PIP5K1B: variants seen among roughly 807,000 people sequenced by gnomAD.
PIP5K1B encodes the protein phosphatidylinositol 4-phosphate 5-kinase type-1 beta.
PIP5K1B carries 42 observed loss-of-function variants against 67.0 expected under a neutral mutation model. That is an observed-to-expected ratio of 0.63 (90% confidence interval 0.49 to 0.81). The LOEUF (loss-of-function observed/expected upper bound fraction) is 0.81. Ranked by LOEUF, PIP5K1B falls within the 30% of genes least tolerant of loss-of-function variation. PIP5K1B has a pLI of 0.00. For synonymous variants in PIP5K1B, 214 were observed against 231.4 expected, an observed-to-expected ratio of 0.92 and a Z score of 0.68; for missense variants, 459 against 646.3, an observed-to-expected ratio of 0.71 and a Z score of 3.14.
intron 2 of PIP5K1B, among the ~76,000 whole-genome samples, chr9:68,744,505 C>G (rs140570078): frequency 4.4e-4 from 67 of 152,338 alleles, no homozygotes; most frequent in African/African-American, 1.6e-3. Flanking sequence ...GTTAAAGCTT[C>G]CAGCTTCATT....
At chr9:68,861,664 G>A (rs1277274770) in intron 4 of PIP5K1B, among the ~76,000 whole-genome samples, 2 of 152,320 alleles carry the variant, frequency 1.3e-5, no homozygotes, top group African/African-American at 4.8e-5. Context: ...ACAGTGTGGC[G>A]TATCGGGCCC....
chr9:68,974,053 A>G (rs1312460341), intron 14 of PIP5K1B, among the ~76,000 whole-genome samples: 4 of 152,144 alleles, frequency 2.6e-5, no homozygotes, highest in Non-Finnish European at 5.9e-5. Context: ...AATTTTTTGT[A>G]GAAATGGGGT....
chr9:68,808,925 A>G (rs943984527), intron 2 of PIP5K1B, among the ~76,000 whole-genome samples: 5 of 152,232 alleles, frequency 3.3e-5, no homozygotes, highest in African/African-American at 1.2e-4. Flanking sequence ...TTCATCAGTA[A>G]GAATAGGAGA....
At chr9:68,780,858 C>G in intron 2 of PIP5K1B, 1 of 1,614,232 alleles carries the variant, frequency 6.2e-7, no homozygotes, top group Non-Finnish European at 8.5e-7. Flanking sequence ...CGTTGCACAG[C>G]TGTCAGATCC....
intron 6 of PIP5K1B, among the ~76,000 whole-genome samples, chr9:68,887,728 A>C (rs1824549837): frequency 6.6e-6 from 1 of 152,180 alleles, no homozygotes; most frequent in Non-Finnish European, 1.5e-5. Context: ...CCTTTGAACT[A>C]AGGGTGTTGG....
At chr9:69,007,651 T>G (rs149485357) in intron 15 of PIP5K1B, among the ~76,000 whole-genome samples, 2 of 151,750 alleles carry the variant, frequency 1.3e-5, no homozygotes, top group Non-Finnish European at 2.9e-5. Flanking sequence ...AGGTCAGGAG[T>G]TCAAGACCAT....
At chr9:68,950,023 T>G (rs1302577768) in intron 14 of PIP5K1B, among the ~76,000 whole-genome samples, 1 of 152,220 alleles carries the variant, frequency 6.6e-6, no homozygotes, top group Non-Finnish European at 1.5e-5. Flanking sequence ...AACTTAAATA[T>G]GTAAGGAGGC....
intron 4 of PIP5K1B, among the ~76,000 whole-genome samples, chr9:68,829,058 C>T (rs182103146): frequency 2.6e-5 from 4 of 152,316 alleles, no homozygotes; most frequent in Admixed American, 1.3e-4. Context: ...GCCGAGATCA[C>T]GCCACTGCAC....
chr9:68,869,846 G>A (rs990893940), intron 5 of PIP5K1B, among the ~76,000 whole-genome samples: 5 of 152,050 alleles, frequency 3.3e-5, no homozygotes, highest in Non-Finnish European at 7.4e-5. Flanking sequence ...AAATAAAAAA[G>A]AAAAAGATTA....
intron 2 of PIP5K1B, among the ~76,000 whole-genome samples, chr9:68,744,406 A>G (rs1360513495): frequency 6.6e-6 from 1 of 152,260 alleles, no homozygotes; most frequent in Non-Finnish European, 1.5e-5. Context: ...GGATGAAAAC[A>G]TATCACGTGG....
chr9:68,820,158 C>T (rs10117789), intron 3 of PIP5K1B, among the ~76,000 whole-genome samples: 1 of 152,044 alleles, frequency 6.6e-6, no homozygotes, highest in Non-Finnish European at 1.5e-5. Context: ...GAATGGCATT[C>T]TTTAGGGAGG....
At chr9:68,927,771 A>AT (rs1414673568) in intron 12 of PIP5K1B, among the ~76,000 whole-genome samples, 1 of 151,942 alleles carries the variant, frequency 6.6e-6, no homozygotes, top group Non-Finnish European at 1.5e-5. Flanking sequence ...TTGATGTCCA[A>AT]TTTTTTTCCT....
chr9:68,997,951 C>A (rs1452711163), intron 15 of PIP5K1B, among the ~76,000 whole-genome samples: 3 of 151,418 alleles, frequency 2.0e-5, no homozygotes, highest in African/African-American at 7.3e-5. Context: ...TGACAGTTTG[C>A]AGGGCTGCAG....
At chr9:68,769,669 T>C (rs549890479) in intron 2 of PIP5K1B, among the ~76,000 whole-genome samples, 40 of 152,352 alleles carry the variant, frequency 2.6e-4, no homozygotes, top group African/African-American at 9.4e-4. Flanking sequence ...CAATACACTC[T>C]AGGCTTTTGG....
At chr9:68,723,464 A>G (rs1156939889) in intron 1 of PIP5K1B, among the ~76,000 whole-genome samples, 1 of 151,894 alleles carries the variant, frequency 6.6e-6, no homozygotes, top group Non-Finnish European at 1.5e-5. Context: ...CCAATAGTAT[A>G]CAAATATTGC....
intron 15 of PIP5K1B, among the ~76,000 whole-genome samples, chr9:69,006,772 G>A (rs892336178): frequency 6.6e-6 from 1 of 152,212 alleles, no homozygotes. Flanking sequence ...TCTATAGAAC[G>A]AGGAAAGCAA....
chr9:68,726,549 T>C (rs1828156373), intron 1 of PIP5K1B, among the ~76,000 whole-genome samples: 1 of 152,174 alleles, frequency 6.6e-6, no homozygotes, highest in Non-Finnish European at 1.5e-5. Context: ...AGAATCAGAT[T>C]GTGGACTAAG....
chr9:68,956,598 A>G (rs1828405292), intron 14 of PIP5K1B, among the ~76,000 whole-genome samples: 1 of 152,272 alleles, frequency 6.6e-6, no homozygotes. Context: ...CAGTAGAATC[A>G]TATGATGTGA....
intron 2 of PIP5K1B, chr9:68,781,206 C>T (rs1034145165): frequency 1.0e-5 from 8 of 767,510 alleles, no homozygotes; most frequent in Non-Finnish European, 1.7e-5. Flanking sequence ...TTTGGATACC[C>T]TTGAATTCAG....
Sources: allele counts gnomAD v4.1 joint callset (sites outside exome capture counted in the v4.1 genomes callset), GRCh38; gene constraint gnomAD v4.1.1; transcripts MANE v1.5; gene names NCBI Gene and HGNC (gene_info 2026-07-23, HGNC 2026-07-21).